USP47: variants seen among roughly 807,000 people sequenced by gnomAD.
The protein encoded by USP47 is ubiquitin carboxyl-terminal hydrolase 47.
In USP47, 35 loss-of-function variants were observed where a neutral mutation model predicts 165.1. The observed-to-expected ratio is 0.21, with a 90% CI of 0.16 to 0.28. The LOEUF (loss-of-function observed/expected upper bound fraction) is 0.28, where lower values mean the gene tolerates loss of function less well. Ranked by LOEUF, USP47 falls within the 10% of genes least tolerant of loss-of-function variation. USP47 has a pLI of 1.00. For missense variants in USP47, 1,277 were observed against 1,607.4 expected (o/e 0.79, Z 3.52); for synonymous variants, 531 against 544.5 (o/e 0.98, Z 0.35).
rs376609813 is a variant in USP47, at chr11:11,861,544, A to T, written c.40-18633A>T. ...AACTTTGCATTTTTAGTTTCCTATT[A>T]ATTGATTGAGTACTTGATGTAATTT... On this transcript the variant is annotated intron_variant, in intron 1 of 27. Coordinates refer to ENST00000527733, the MANE Select transcript of USP47 (RefSeq NM_001282659.2). 1.1e-4 allele frequency among the ~76,000 whole-genome samples: 17 copies of T among 152,310 alleles called. No individual in the cohort carries two copies. In the East Asian group the frequency reaches 2.1e-3, roughly 19 times the overall value.
intron 1 of USP47, among the ~76,000 whole-genome samples, chr11:11,871,676 C>A (rs1032325123): frequency 2.6e-5 from 4 of 152,024 alleles, no homozygotes; most frequent in Non-Finnish European, 4.4e-5. Context: ...CACTGTAGGT[C>A]CCTTGGAGCT....
chr11:11,852,900 C>G (rs1273731051), intron 1 of USP47, among the ~76,000 whole-genome samples: 1 of 152,210 alleles, frequency 6.6e-6, no homozygotes, highest in Non-Finnish European at 1.5e-5. Flanking sequence ...TCATGTGTCA[C>G]TTCTGTGCCC....
At chr11:11,925,410 T>C (rs1854165863) in intron 11 of USP47, among the ~76,000 whole-genome samples, 1 of 152,164 alleles carries the variant, frequency 6.6e-6, no homozygotes, top group Admixed American at 6.5e-5. Flanking sequence ...GCCTCCTTAA[T>C]GTTTTATGGT....
chr11:11,904,874 C>G (rs888815509), intron 7 of USP47, among the ~76,000 whole-genome samples: 1 of 151,914 alleles, frequency 6.6e-6, no homozygotes, highest in Non-Finnish European at 1.5e-5. Context: ...TTACTGAAAG[C>G]TAAAAAGTTT....
At chr11:11,918,404 G>A (rs982359744) in intron 8 of USP47, among the ~76,000 whole-genome samples, 6 of 152,012 alleles carry the variant, frequency 3.9e-5, no homozygotes, top group African/African-American at 1.2e-4. Context: ...CATTGTTAAG[G>A]TAATTGACAG....
At chr11:11,890,357 A>G (rs1353529510) in intron 3 of USP47, among the ~76,000 whole-genome samples, 8 of 152,214 alleles carry the variant, frequency 5.3e-5, no homozygotes, top group Admixed American at 5.2e-4. Flanking sequence ...ACGAGAAAAA[A>G]ACAGACCCAT....
intron 25 of USP47, among the ~76,000 whole-genome samples, chr11:11,953,690 G>A (rs780067462): frequency 1.5e-4 from 23 of 151,908 alleles, no homozygotes; most frequent in Admixed American, 3.3e-4. Flanking sequence ...AGAAAAAGAC[G>A]GAACAAATCT....
In USP47 at chr11:11,892,177, A is replaced by C. The variant is rs145994366; in HGVS notation, c.496+71A>C. ...AAGTAATCTTAGCGATTTGAAGCCTAATCCTCTTATTTTATGGATAAGAAA... is the reference window on the plus strand; with the variant it reads ...AAGTAATCTTAGCGATTTGAAGCCTCATCCTCTTATTTTATGGATAAGAAA... On this transcript the variant is annotated intron_variant, in intron 4 of 27. Transcript: ENST00000527733. 2.2e-5 allele frequency: 33 copies of C among 1,487,392 alleles called. No homozygotes were observed. In the East Asian group the frequency reaches 7.6e-4, roughly 34 times the overall value. The allele number at this position is 1,487,392 out of a possible 1,614,324, so 92.1% of individuals were successfully genotyped here.
chr11:11,890,932 T>C (rs1851473337), intron 3 of USP47, among the ~76,000 whole-genome samples: 1 of 152,288 alleles, frequency 6.6e-6, no homozygotes, highest in Non-Finnish European at 1.5e-5. Flanking sequence ...ACACTACATG[T>C]TCTCACTTAT....
At chr11:11,851,761 A>G (rs987595954) in intron 1 of USP47, among the ~76,000 whole-genome samples, 5 of 152,100 alleles carry the variant, frequency 3.3e-5, no homozygotes, top group African/African-American at 1.2e-4. Context: ...TTCAGTCTTC[A>G]TTTTCAAGAT....
At position 11,958,508 on chromosome 11, in the gene USP47, G is replaced by A. The variant is rs933161285; in HGVS notation, c.*2333G>A. The stretch of plus-strand genomic sequence containing the variant: ...CTAACAGGCAGAGCCCTAGCGATGT[G>A]GATCAAGTTTCCTGAGCCCGGGGGC... On this transcript the variant is annotated 3_prime_UTR_variant, in exon 28 of 28. Coordinates refer to ENST00000527733, the MANE Select transcript of USP47 (RefSeq NM_001282659.2). 6 of 152,216 alleles carry A rather than the reference G, an allele frequency of 3.9e-5. No individual in the cohort carries two copies. The highest frequency in any genetic ancestry group is 1.4e-4 in the African/African-American group (6 of 41,446). The allele number at this position is 152,216 out of a possible 1,614,324, so 9.4% of individuals were successfully genotyped here. A position where few individuals can be genotyped will look rare whatever the true frequency, so the allele number is the denominator to read the frequency against.
chr11:11,878,391 GA>G (rs1418189841), intron 1 of USP47, among the ~76,000 whole-genome samples: 1 of 152,042 alleles, frequency 6.6e-6, no homozygotes, highest in Non-Finnish European at 1.5e-5. Context: ...GTATACTATT[GA>G]ATCTATAAAA....
At chr11:11,935,593 A>G (rs1290732915) in intron 16 of USP47, among the ~76,000 whole-genome samples, 2 of 151,996 alleles carry the variant, frequency 1.3e-5, no homozygotes, top group South Asian at 2.1e-4. Flanking sequence ...GAGGCTTACA[A>G]GTCCTTCTTG....
intron 1 of USP47, among the ~76,000 whole-genome samples, chr11:11,846,011 A>C (rs1299600042): frequency 3.9e-5 from 6 of 152,076 alleles, no homozygotes; most frequent in Admixed American, 3.9e-4. Flanking sequence ...CAGTTCTTTA[A>C]CTGTTTCTTA....
At chr11:11,858,895 G>T (rs1453993255) in intron 1 of USP47, among the ~76,000 whole-genome samples, 1 of 152,116 alleles carries the variant, frequency 6.6e-6, no homozygotes, top group African/African-American at 2.4e-5. Context: ...TCTTCATATG[G>T]TAAGTGTATG....
At chr11:11,905,630 GTATCATCC>G in intron 8 of USP47, 82 bp downstream of exon 8, 1 of 1,330,122 alleles carries the variant, frequency 7.5e-7, no homozygotes. Context: ...TGTAAGGTAA[GTATCATCC>G]TAGATACACC....
Position 11,905,482 on chromosome 11 carries a change from C to T in USP47, c.903C>T (p.Ile301=), listed in dbSNP as rs1449170233. 1 of 1,610,208 alleles carries T rather than the reference C, an allele frequency of 6.2e-7. No individual in the cohort carries two copies. Among genetic ancestry groups the T allele is most frequent in the Non-Finnish European group, 8.5e-7 (1 of 1,177,356 alleles). Residue 301 remains isoleucine (I), a synonymous_variant, in exon 8 of 28, where the codon ATC becomes ATT. Transcript: ENST00000527733. ...CLECGYEGWR[I]DTYLDIPLVI... is the part of the protein sequence containing the mutation. Reference sequence around the variant, plus strand: ...AATGTGGTTATGAGGGCTGGCGAATCGACACATATCTTGATATTCCATTGG... The same window carrying T: ...AATGTGGTTATGAGGGCTGGCGAATTGACACATATCTTGATATTCCATTGG...
At position 11,938,325 on chromosome 11, in the gene USP47, G is replaced by T. The variant is rs1855223063; in HGVS notation, c.2146G>T (p.Ala716Ser). 2 of 1,612,108 alleles carry T rather than the reference G, an allele frequency of 1.2e-6. No homozygotes were observed. The highest frequency in any genetic ancestry group is 3.3e-5 in the Admixed American group (2 of 59,820). ...TGTAGCTGCTCCTATAACTGTTCGT[G>T]CTTACTTAAATCAGACAGTTACAGA... is the stretch of plus-strand genomic sequence containing the variant. ...ESVAAPITVR[A>S]YLNQTVTEFK... Residue 716 changes from alanine to serine, a missense_variant, in exon 18 of 28, where the codon GCT becomes TCT. Ala to Ser is a moderately conservative substitution (Grantham distance 99, BLOSUM62 1). Transcript: ENST00000527733.
At chr11:11,916,754 A>G (rs1320508841) in intron 8 of USP47, among the ~76,000 whole-genome samples, 1 of 152,152 alleles carries the variant, frequency 6.6e-6, no homozygotes, top group South Asian at 2.1e-4. Context: ...TAATAGATAA[A>G]CTGTAATTCA....
Sources: gnomAD v4.1 joint callset for allele counts (sites outside exome capture counted in the v4.1 genomes callset) on GRCh38, gnomAD v4.1.1 for gene constraint, MANE v1.5 for transcripts, NCBI Gene and HGNC (gene_info 2026-07-23, HGNC 2026-07-21) for gene names.